The following NEMF variants were observed in gnomAD, a reference collection of about 807,000 sequenced individuals.
NEMF encodes nuclear export mediator factor, also known as ribosome quality control complex subunit NEMF.
Under a neutral mutation model 162.2 loss-of-function variants are expected in NEMF, and 89 were observed. The observed-to-expected ratio is 0.55, with a 90% confidence interval of 0.46 to 0.65. NEMF has a LOEUF of 0.65. Among genes scored for constraint, NEMF ranks in the 30% least tolerant of loss-of-function variants. NEMF has a pLI of 0.00. For synonymous variants in NEMF, 421 were observed against 404.5 expected (o/e 1.04, Z -0.49); for missense variants, 1,133 against 1,261.9 (o/e 0.90, Z 1.55).
At chr14:49,797,764 G>A (rs1890758231) in intron 25 of NEMF, among the ~76,000 whole-genome samples, 1 of 152,148 alleles carries the variant, frequency 6.6e-6, no homozygotes, top group Non-Finnish European at 1.5e-5. Flanking sequence ...AATCATTATT[G>A]TACATGTTTA....
chr14:49,844,205 GGGTAT>G (rs1420666854), intron 4 of NEMF, among the ~76,000 whole-genome samples: 1 of 152,080 alleles, frequency 6.6e-6, no homozygotes, highest in Non-Finnish European at 1.5e-5. Flanking sequence ...GGGGGTGCAG[GGGTAT>G]GGTTTCCGGA....
intron 14 of NEMF, 49 bp downstream of exon 14, chr14:49,828,563 CTTAA>C: frequency 7.3e-7 from 1 of 1,374,270 alleles, no homozygotes; most frequent in Non-Finnish European, 9.9e-7. Flanking sequence ...TCCTTAATTC[CTTAA>C]TTTATTGCAG....
chr14:49,787,454 G>C (rs1890229728), intron 28 of NEMF, among the ~76,000 whole-genome samples: 1 of 152,208 alleles, frequency 6.6e-6, no homozygotes, highest in Admixed American at 6.5e-5. Context: ...GGGAGGCCAA[G>C]GTCGGGGGAT....
At chr14:49,829,539 AG>A in intron 11 of NEMF, 113 bp from the exon 12 acceptor site, 1 of 863,204 alleles carries the variant, frequency 1.2e-6, no homozygotes, top group East Asian at 2.6e-5. Context: ...TTATCTAGCT[AG>A]CTGAAGTTCC....
chr14:49,833,518 GA>G, intron 7 of NEMF, 22 bp from the exon 8 acceptor site: 7 of 1,500,610 alleles, frequency 4.7e-6, no homozygotes, highest in African/African-American at 1.4e-5. Flanking sequence ...GGAAAAAAAG[GA>G]AAAAAGGAGT....
In NEMF at chr14:49,801,843, C is replaced by T. The variant is rs1158462202; in HGVS notation, c.2095+610G>A. Reference sequence around the variant, plus strand: ...AAACCCAAAACTAAATGCTAATGCACATTTACCCGAGTCTACCTTTGTTAA... The same window carrying T: ...AAACCCAAAACTAAATGCTAATGCATATTTACCCGAGTCTACCTTTGTTAA... On this transcript the variant is annotated intron_variant, in intron 22 of 32. Transcript: ENST00000298310. Among the ~76,000 whole-genome samples, 3 of 152,262 alleles carry T rather than the reference C, an allele frequency of 2.0e-5. No individual in the cohort carries two copies. In the East Asian group the frequency reaches 5.8e-4, roughly 29 times the overall value.
chr14:49,813,788 G>C (rs1015728567), intron 18 of NEMF, among the ~76,000 whole-genome samples, 200 bp downstream of exon 18: 1 of 151,816 alleles, frequency 6.6e-6, no homozygotes, highest in Non-Finnish European at 1.5e-5. Flanking sequence ...AATTTTTCTA[G>C]AGATGAGGTT....
chr14:49,811,725 TTAG>T (rs1300330223), intron 18 of NEMF, among the ~76,000 whole-genome samples: 4 of 152,200 alleles, frequency 2.6e-5, no homozygotes, highest in Admixed American at 6.5e-5. Context: ...TTGTCCTTTA[TTAG>T]TAGATTATAT....
In NEMF at chr14:49,831,300, T is replaced by A; in HGVS notation, c.944A>T (p.Gln315Leu). 1 of 1,541,854 alleles carries A rather than the reference T, an allele frequency of 6.5e-7. No individual in the cohort carries two copies. Among genetic ancestry groups the A allele is most frequent in the Non-Finnish European group, 9.0e-7 (1 of 1,114,826 alleles). The change falls in exon 11 of 33, where the codon CAG becomes CTG. Residue 315 changes from glutamine (Q) to leucine (L), a missense_variant and splice_region_variant. By Grantham distance (113) the Gln-to-Leu change is moderately radical. Coordinates refer to ENST00000298310, the MANE Select transcript of NEMF (RefSeq NM_004713.6). ...ATATGTGTTTTTAATAATACATACC[T>A]GTTGTAAAGCTTTTAAGTCAATTTT... is the stretch of plus-strand genomic sequence containing the variant. Reference protein sequence around the residue: ...GQKIDLKALQQEKQALKKLDN... With the variant: ...GQKIDLKALQLEKQALKKLDN...
chr14:49,825,809 G>A, intron 16 of NEMF, 58 bp downstream of exon 16: 3 of 1,118,450 alleles, frequency 2.7e-6, no homozygotes, highest in Non-Finnish European at 4.0e-6. Flanking sequence ...TCTAAACAAT[G>A]TGCATGGATA....
At chr14:49,818,887 A>T (rs1029191961) in intron 16 of NEMF, among the ~76,000 whole-genome samples, 2 of 152,172 alleles carry the variant, frequency 1.3e-5, no homozygotes, top group Non-Finnish European at 2.9e-5. Flanking sequence ...GACAATGAGG[A>T]TTCTACACAA....
chr14:49,838,797 G>A (rs563614455), intron 5 of NEMF, among the ~76,000 whole-genome samples: 1 of 152,174 alleles, frequency 6.6e-6, no homozygotes, highest in Non-Finnish European at 1.5e-5. Context: ...TGTTAGCCAG[G>A]ATGGTCTCAA....
Position 49,799,832 on chromosome 14 carries a change from C to A in NEMF, c.2373-154G>T, listed in dbSNP as rs185668907. 3.3e-4 allele frequency among the ~76,000 whole-genome samples: 50 copies of A among 152,270 alleles called. No homozygotes were observed. In the East Asian group the frequency reaches 5.2e-3, roughly 16 times the overall value. Reference sequence around the variant, plus strand: ...AGAAAAACATACAACCAAATTGCTCCTCTCTCCACACTTCCATATACATTT... The same window carrying A: ...AGAAAAACATACAACCAAATTGCTCATCTCTCCACACTTCCATATACATTT... On this transcript the variant is annotated intron_variant, in intron 23 of 32. Coordinates refer to ENST00000298310, the MANE Select transcript of NEMF (RefSeq NM_004713.6).
chr14:49,829,412 C>T lies in NEMF; in HGVS notation c.960G>A (p.Leu320=). Residue 320 remains leucine (L), a synonymous_variant, in exon 12 of 33, where the codon TTG becomes TTA. Coordinates refer to ENST00000298310, the MANE Select transcript of NEMF (RefSeq NM_004713.6). ...CCTTTCGAACATTATCTAATTTCTT[C>T]AATGCTTGCTTTTCCTTTTATTGGC... ...LKALQQEKQA[L]KKLDNVRKDH... 3 of 1,613,702 alleles carry T rather than the reference C, an allele frequency of 1.9e-6. No homozygotes were observed. Among genetic ancestry groups the T allele is most frequent in the Non-Finnish European group, 2.5e-6 (3 of 1,179,866 alleles).
intron 8 of NEMF, among the ~76,000 whole-genome samples, chr14:49,832,596 G>C (rs1892700314): frequency 6.6e-6 from 1 of 152,154 alleles, no homozygotes; most frequent in African/African-American, 2.4e-5. Context: ...GCCTCCAAAA[G>C]TGCTGAGATC....
chr14:49,784,029 T>C lies in NEMF; in HGVS notation c.*607A>G, dbSNP rs1333292394. The C allele has an allele frequency of 6.6e-6, 1 of 152,008 alleles. No homozygotes were observed. Among genetic ancestry groups the C allele is most frequent in the Admixed American group, 6.6e-5 (1 of 15,256 alleles). The allele number at this position is 152,008 out of a possible 1,614,324, so 9.4% of individuals were successfully genotyped here. On this transcript the variant is annotated 3_prime_UTR_variant, in exon 33 of 33. Transcript: ENST00000298310. ...AGTTTAAGCAATCAAGCCACTTCAC[T>C]GTTCAGTTTCTTTACATCATGAAAT... is the stretch of plus-strand genomic sequence containing the variant.
intron 16 of NEMF, among the ~76,000 whole-genome samples, chr14:49,822,286 T>TA (rs913232772): frequency 1.3e-4 from 9 of 70,668 alleles, no homozygotes; most frequent in East Asian, 9.9e-4. Context: ...GAATGATCAA[T>TA]AAAAAAAAAT....
intron 28 of NEMF, among the ~76,000 whole-genome samples, chr14:49,788,806 C>T (rs1379561395): frequency 6.6e-6 from 1 of 152,092 alleles, no homozygotes; most frequent in African/African-American, 2.4e-5. Context: ...ATCTGCCTGC[C>T]TTGGCCTCTC....
intron 16 of NEMF, among the ~76,000 whole-genome samples, chr14:49,819,031 G>C (rs1304374192): frequency 6.6e-6 from 1 of 151,986 alleles, no homozygotes; most frequent in Non-Finnish European, 1.5e-5. Context: ...GAAAGATGGA[G>C]ACAAAAGCAA....
Sources: gnomAD v4.1 joint callset for allele counts (sites outside exome capture counted in the v4.1 genomes callset) on GRCh38, gnomAD v4.1.1 for gene constraint, MANE v1.5 for transcripts, NCBI Gene and HGNC (gene_info 2026-07-23, HGNC 2026-07-21) for gene names.